The following TENM1 variants were observed in gnomAD, a reference collection of about 807,000 sequenced individuals.
TENM1 encodes teneurin transmembrane protein 1, also known as teneurin-1.
Under a neutral mutation model 174.8 loss-of-function variants are expected in TENM1, and 35 were observed. The ratio of observed to expected loss-of-function variants is 0.20; its 90% confidence interval spans 0.15 to 0.27. The LOEUF (loss-of-function observed/expected upper bound fraction) is 0.27, where lower values mean the gene tolerates loss of function less well. Ranked by LOEUF, TENM1 falls within the 10% of genes least tolerant of loss-of-function variation. TENM1 has a pLI of 1.00. For synonymous variants in TENM1, 781 were observed against 798.7 expected (o/e 0.98, Z 0.37); for missense variants, 1,633 against 2,130.1 (o/e 0.77, Z 4.59).
chrX:124,413,554 T>A (rs1303237622), intron 25 of TENM1, among the ~76,000 whole-genome samples: 1 of 112,053 alleles, frequency 8.9e-6, no homozygotes, highest in African/African-American at 3.2e-5. Flanking sequence ...TCAGCGGAAC[T>A]TCCCTACCAG....
At chrX:124,511,861 C>T (rs1017727791) in intron 18 of TENM1, among the ~76,000 whole-genome samples, 1 of 111,648 alleles carries the variant, frequency 9.0e-6, no homozygotes, top group African/African-American at 3.3e-5. Context: ...TAATGTTCCC[C>T]TGTTTCTCTC....
At position 124,639,692 on chromosome X, in the gene TENM1, T is replaced by G. The variant is rs1336291670; in HGVS notation, c.2077+2099A>C. On this transcript the variant is annotated intron_variant, in intron 11 of 31. Transcript: ENST00000422452. ...TACTTACAGAGTTGTTATCAGTGAG[T>G]TAATATATGTACAATGCTTACAATA... 3.6e-5 allele frequency among the ~76,000 whole-genome samples: 4 copies of G among 111,308 alleles called. 1 individual carries two copies. Among genetic ancestry groups the G allele is most frequent in the African/African-American group, 3.3e-5 (1 of 30,581 alleles).
At chrX:124,382,280 T>C (rs1438186657) in intron 31 of TENM1, among the ~76,000 whole-genome samples, 1 of 111,673 alleles carries the variant, frequency 9.0e-6, no homozygotes, top group Non-Finnish European at 1.9e-5. Flanking sequence ...GTTATTCCCA[T>C]GCTCTTAAGA....
intron 22 of TENM1, among the ~76,000 whole-genome samples, chrX:124,459,333 G>A (rs2061142976): frequency 9.0e-6 from 1 of 111,514 alleles, no homozygotes; most frequent in Non-Finnish European, 1.9e-5. Context: ...CAGGTACTGT[G>A]CTGGATTCCT....
chrX:124,693,871 G>A (rs1307992750), intron 5 of TENM1, among the ~76,000 whole-genome samples: 1 of 110,439 alleles, frequency 9.1e-6, no homozygotes, highest in Non-Finnish European at 1.9e-5. Flanking sequence ...TAGTTTCCTG[G>A]ACCAGTAATA....
intron 3 of TENM1, among the ~76,000 whole-genome samples, chrX:124,869,908 C>T (rs188715176): frequency 1.5e-3 from 165 of 111,036 alleles, no homozygotes; most frequent in African/African-American, 4.9e-3. Context: ...ACCTACTATA[C>T]GACAGCACAA....
At chrX:124,537,182 C>T (rs965944177) in intron 15 of TENM1, among the ~76,000 whole-genome samples, 12 of 111,365 alleles carry the variant, frequency 1.1e-4, no homozygotes, top group Admixed American at 8.6e-4. Flanking sequence ...TCCCCGGTTA[C>T]CTCACAAAGA....
rs2357252 is a variant in TENM1, at chrX:124,392,638, C to T, written c.5392-290G>A. Among the ~76,000 whole-genome samples the T allele has an allele frequency of 0.18, 19,676 of 111,400 alleles. 1,309 individuals carry two copies. The highest frequency in any genetic ancestry group is 0.21 in the African/African-American group (6,455 of 30,630). ...GCCTTAAGTGCAGTGCCACAGTTTT[C>T]AGTAATTATGTGATCTTATTTTATG... On this transcript the variant is annotated intron_variant, in intron 27 of 31. Coordinates refer to ENST00000422452, the Ensembl canonical transcript of TENM1.
At chrX:125,056,053 C>A in the TENM1 span, among the ~76,000 whole-genome samples, 1 of 110,985 alleles carries the variant, frequency 9.0e-6, no homozygotes, top group African/African-American at 3.3e-5. Flanking sequence ...CAATGTTTTT[C>A]CTAGTTCTGT....
At chrX:124,543,202 T>C (rs2048358748) in intron 15 of TENM1, among the ~76,000 whole-genome samples, 1 of 112,580 alleles carries the variant, frequency 8.9e-6, no homozygotes, top group Admixed American at 9.4e-5. Context: ...CATCCTAGGT[T>C]GCCCATGCAT....
At chrX:124,797,682 T>G (rs1427181175) in intron 3 of TENM1, among the ~76,000 whole-genome samples, 1 of 110,898 alleles carries the variant, frequency 9.0e-6, no homozygotes, top group Non-Finnish European at 1.9e-5. Flanking sequence ...GTAAAGGTTT[T>G]TTTTTTTTTT....
intron 22 of TENM1, among the ~76,000 whole-genome samples, chrX:124,480,588 T>C (rs757136788): frequency 8.9e-6 from 1 of 112,204 alleles, no homozygotes; most frequent in Non-Finnish European, 1.9e-5. Flanking sequence ...CTGATATGCA[T>C]GGAAAAGTCT....
At chrX:124,783,772 T>C (rs1375066504) in intron 3 of TENM1, among the ~76,000 whole-genome samples, 1 of 111,819 alleles carries the variant, frequency 8.9e-6, no homozygotes, top group Non-Finnish European at 1.9e-5. Context: ...CAGCACAGGG[T>C]GGCAGAAATC....
intron 1 of TENM1, among the ~76,000 whole-genome samples, chrX:124,933,798 A>C (rs1330565797): frequency 8.9e-6 from 1 of 111,846 alleles, no homozygotes; most frequent in Non-Finnish European, 1.9e-5. Context: ...CTATTTGGCC[A>C]CACTTTATTT....
chrX:125,183,397 G>T, the TENM1 span, among the ~76,000 whole-genome samples: 1 of 111,424 alleles, frequency 9.0e-6, no homozygotes, highest in Non-Finnish European at 1.9e-5. Flanking sequence ...TGCCCAAGTT[G>T]TTACTGCTGT....
chrX:124,965,864 T>C (rs1469782301), upstream of TENM1, among the ~76,000 whole-genome samples: 1 of 111,505 alleles, frequency 9.0e-6, no homozygotes, highest in Non-Finnish European at 1.9e-5. Flanking sequence ...TCAATATCTG[T>C]ACTTGGGTAT....
At chrX:125,058,977 T>TTCA in the TENM1 span, among the ~76,000 whole-genome samples, 1 of 98,647 alleles carries the variant, frequency 1.0e-5, no homozygotes, top group African/African-American at 4.1e-5. Context: ...TTAGAACATT[T>TTCA]TCATCATCAT....
intron 15 of TENM1, among the ~76,000 whole-genome samples, chrX:124,535,750 G>A (rs1050338856): frequency 5.3e-5 from 6 of 112,192 alleles, no homozygotes; most frequent in Non-Finnish European, 7.5e-5. Flanking sequence ...AGAGCCTGAT[G>A]TACACAGCAC....
chrX:124,819,799 C>A (rs887970976), intron 3 of TENM1, among the ~76,000 whole-genome samples: 4 of 109,324 alleles, frequency 3.7e-5, no homozygotes, highest in Non-Finnish European at 5.7e-5. Context: ...CCTTTCCTTT[C>A]CTTTTTTTTT....
Sources: allele counts gnomAD v4.1 joint callset (sites outside exome capture counted in the v4.1 genomes callset), GRCh38; gene constraint gnomAD v4.1.1; transcripts MANE v1.5; gene names NCBI Gene and HGNC (gene_info 2026-07-23, HGNC 2026-07-21).